Variants in VKORC1L1 observed in about 807,000 individuals in gnomAD.
VKORC1L1 encodes the protein vitamin K epoxide reductase complex subunit 1L1, also known as vitamin K epoxide reductase complex subunit 1-like protein 1.
A neutral mutation model predicts 18.9 loss-of-function variants in VKORC1L1; 2 were observed. The ratio of observed to expected loss-of-function variants is 0.11; its 90% CI spans 0.04 to 0.33. VKORC1L1 has a LOEUF of 0.33. Among genes scored for constraint, VKORC1L1 ranks in the 10% least tolerant of loss-of-function variants. The pLI is 1.00. For missense variants in VKORC1L1, 123 were observed against 224.1 expected (o/e 0.55, Z 2.88); for synonymous variants, 96 against 100.0 (o/e 0.96, Z 0.24).
chr7:65,920,143 G>A (rs984254741), intron 1 of VKORC1L1, among the ~76,000 whole-genome samples: 2 of 151,920 alleles, frequency 1.3e-5, no homozygotes, highest in African/African-American at 4.8e-5. Flanking sequence ...CCTCAGCGAG[G>A]CCTCCTCACC....
chr7:65,936,248 C>G (rs953728480), intron 1 of VKORC1L1, among the ~76,000 whole-genome samples: 1 of 151,830 alleles, frequency 6.6e-6, no homozygotes, highest in Non-Finnish European at 1.5e-5. Context: ...AAATCTGATT[C>G]TGGTAATTCC....
In VKORC1L1 at chr7:65,959,313, A is replaced by C. The variant is rs539213180; in HGVS notation, c.*5013A>C. On this transcript the variant is annotated 3_prime_UTR_variant, in exon 3 of 3. Coordinates refer to ENST00000360768, the MANE Select transcript of VKORC1L1 (RefSeq NM_173517.6). The stretch of plus-strand genomic sequence containing the variant: ...GAGGAAGACTCCAGCTCAAGAAAAA[A>C]AACAATGGACTGCCCCTAATTTGTA... The C allele has an allele frequency of 1.3e-5, 2 of 152,326 alleles. No individual in the cohort carries two copies. The highest frequency in any genetic ancestry group is 6.5e-5 in the Admixed American group (1 of 15,304). 9.4% of individuals were successfully genotyped at this position (152,326 alleles called of 1,614,324 possible).
intron 1 of VKORC1L1, among the ~76,000 whole-genome samples, chr7:65,880,304 T>A (rs1249340097): frequency 6.6e-6 from 1 of 152,222 alleles, no homozygotes; most frequent in African/African-American, 2.4e-5. Context: ...TTTACCTGTT[T>A]AGAGCACTCT....
chr7:65,906,765 C>A (rs1789412807), intron 1 of VKORC1L1, among the ~76,000 whole-genome samples: 1 of 152,132 alleles, frequency 6.6e-6, no homozygotes. Context: ...ATCCATAATT[C>A]ATGGTTGACT....
At chr7:65,920,837 A>G (rs1362944517) in intron 1 of VKORC1L1, among the ~76,000 whole-genome samples, 1 of 151,934 alleles carries the variant, frequency 6.6e-6, no homozygotes, top group Non-Finnish European at 1.5e-5. Context: ...AGAAAAAAAA[A>G]AAGACAGAAA....
Position 65,954,373 on chromosome 7 carries a change from T to C in VKORC1L1, c.*73T>C, listed in dbSNP as rs1239191735. ...TTTATTTTGCAGCAGGTTTTTATTATTATTATTATTATTATTATTCACAAC... is the reference window on the plus strand; with the variant it reads ...TTTATTTTGCAGCAGGTTTTTATTACTATTATTATTATTATTATTCACAAC... On this transcript the variant is annotated 3_prime_UTR_variant, in exon 3 of 3. Transcript: ENST00000360768. The C allele has an allele frequency of 1.4e-6, 2 of 1,480,830 alleles. No homozygotes were observed. The highest frequency in any genetic ancestry group is 1.8e-6 in the Non-Finnish European group (2 of 1,121,996). 91.7% of individuals were successfully genotyped at this position (1,480,830 alleles called of 1,614,324 possible). A position where few individuals can be genotyped will look rare whatever the true frequency, so the allele number is the denominator to read the frequency against.
intron 1 of VKORC1L1, among the ~76,000 whole-genome samples, chr7:65,884,615 C>T (rs185891635): frequency 9.2e-5 from 14 of 152,130 alleles, no homozygotes; most frequent in Middle Eastern, 6.8e-3. Flanking sequence ...TCAGCCTGGG[C>T]GACAGAGTGA....
chr7:65,908,879 G>A (rs548902062), intron 1 of VKORC1L1, among the ~76,000 whole-genome samples: 117 of 150,140 alleles, frequency 7.8e-4, no homozygotes, highest in African/African-American at 2.7e-3. Context: ...AGACTGATAT[G>A]TTTGCAAGAT....
intron 1 of VKORC1L1, among the ~76,000 whole-genome samples, chr7:65,874,383 A>G (rs574329461): frequency 1.3e-4 from 20 of 151,936 alleles, no homozygotes; most frequent in African/African-American, 4.6e-4. Flanking sequence ...GCCTATTAGC[A>G]TATTCGAGAC....
intron 1 of VKORC1L1, among the ~76,000 whole-genome samples, chr7:65,908,327 C>T (rs1297928768): frequency 6.6e-6 from 1 of 151,776 alleles, no homozygotes; most frequent in Non-Finnish European, 1.5e-5. Context: ...GCAGGAGAAT[C>T]GCTTGAACCC....
At chr7:65,908,037 A>T (rs1789434880) in intron 1 of VKORC1L1, among the ~76,000 whole-genome samples, 1 of 152,310 alleles carries the variant, frequency 6.6e-6, no homozygotes, top group East Asian at 1.9e-4. Context: ...CACAGAGGCC[A>T]CAACTGCTCT....
At chr7:65,867,223 GAGA>G in the VKORC1L1 span, among the ~76,000 whole-genome samples, 156 of 151,602 alleles carry the variant, frequency 1.0e-3, 1 homozygote, top group Middle Eastern at 3.4e-3. Context: ...GAAGGAGTAG[GAGA>G]AGAAGAAGAA....
At chr7:65,902,561 G>T (rs1490654985) in intron 1 of VKORC1L1, among the ~76,000 whole-genome samples, 3 of 152,066 alleles carry the variant, frequency 2.0e-5, no homozygotes, top group Admixed American at 2.0e-4. Flanking sequence ...AGAAAAGAGG[G>T]AAAGGGGAGA....
rs773728036 is a variant in VKORC1L1, at chr7:65,873,422, G to A, written c.51G>A (p.Val17=). ...TGTCGGTGCCGCGGTGGGAGCGGGT[G>A]GCCCGGTATGCAGTGTGCGCTGCCG... ...LRVSVPRWER[V]ARYAVCAAGI... Residue 17 remains valine, a synonymous_variant, in exon 1 of 3, where the codon GTG becomes GTA. Transcript: ENST00000360768. 6.3e-7 allele frequency: 1 copy of A among 1,580,990 alleles called. No homozygotes were observed. The highest frequency in any genetic ancestry group is 2.4e-5 in the East Asian group (1 of 41,840).
chr7:65,869,561 A>G (rs1351510967), upstream of VKORC1L1, among the ~76,000 whole-genome samples: 1 of 151,082 alleles, frequency 6.6e-6, no homozygotes, highest in East Asian at 1.9e-4. Context: ...GGCGAATTGC[A>G]TGCTCATCCA....
intron 2 of VKORC1L1, among the ~76,000 whole-genome samples, chr7:65,951,862 C>A (rs1790219312): frequency 6.6e-6 from 1 of 152,134 alleles, no homozygotes; most frequent in Admixed American, 6.6e-5. Context: ...TAAATGTCTT[C>A]ATTCTTTTCT....
chr7:65,878,437 A>T (rs1017121182), intron 1 of VKORC1L1, among the ~76,000 whole-genome samples: 21 of 151,852 alleles, frequency 1.4e-4, no homozygotes, highest in Non-Finnish European at 2.6e-4. Flanking sequence ...ATAAGAGGGA[A>T]ACTCTGTCTT....
intron 1 of VKORC1L1, among the ~76,000 whole-genome samples, chr7:65,891,534 T>G (rs1489456201): frequency 6.6e-6 from 1 of 152,194 alleles, no homozygotes; most frequent in Non-Finnish European, 1.5e-5. Flanking sequence ...GTATAAGGGA[T>G]AAATGTATTG....
chr7:65,936,754 C>A (rs1044384005), intron 1 of VKORC1L1, among the ~76,000 whole-genome samples: 1 of 152,194 alleles, frequency 6.6e-6, no homozygotes, highest in Non-Finnish European at 1.5e-5. Flanking sequence ...CCATCTCTGG[C>A]TCCCAGGCAC....
Sources: gnomAD v4.1 joint callset for allele counts (sites outside exome capture counted in the v4.1 genomes callset) on GRCh38, gnomAD v4.1.1 for gene constraint, MANE v1.5 for transcripts, NCBI Gene and HGNC (gene_info 2026-07-23, HGNC 2026-07-21) for gene names.